ZDHHC11: variants seen among roughly 807,000 people sequenced by gnomAD.
ZDHHC11 encodes zDHHC palmitoyltransferase 11.
ZDHHC11 carries 44 observed loss-of-function variants against 51.3 expected under a neutral mutation model. The observed-to-expected ratio is 0.86, with a 90% CI of 0.67 to 1.10. The LOEUF (loss-of-function observed/expected upper bound fraction) is 1.10. ZDHHC11 is among the 50% of genes least tolerant of loss of function. The pLI is 0.00. For synonymous variants in ZDHHC11, 163 were observed against 222.0 expected, an observed-to-expected ratio of 0.73 and a Z score of 2.36; for missense variants, 400 against 537.7, an observed-to-expected ratio of 0.74 and a Z score of 2.53.
At chr5:837,639 T>C (rs1190367903) in intron 5 of ZDHHC11, among the ~76,000 whole-genome samples, 159 bp from the exon 6 acceptor site, 1 of 151,524 alleles carries the variant, frequency 6.6e-6, no homozygotes, top group African/African-American at 2.4e-5. Context: ...TCAGGATGAG[T>C]GCAGGTGCCT....
At position 844,081 on chromosome 5, in the gene ZDHHC11, G is replaced by A. The variant is rs77392561; in HGVS notation, c.504-357C>T. On this transcript the variant is annotated intron_variant, in intron 3 of 12. Transcript: ENST00000283441. Reference sequence around the variant, plus strand: ...GGCATCTGGAGCCCGCAGGGTGGAGGTGACAGGTCAGTGTGGGCGTCCACT... The same window carrying A: ...GGCATCTGGAGCCCGCAGGGTGGAGATGACAGGTCAGTGTGGGCGTCCACT... 1.6e-3 allele frequency among the ~76,000 whole-genome samples: 247 copies of A among 151,812 alleles called. No homozygotes were observed. In the East Asian group the frequency reaches 0.046, roughly 28 times the overall value.
At chr5:841,069 T>C (rs1744810779) in intron 4 of ZDHHC11, 1 of 969,776 alleles carries the variant, frequency 1.0e-6, no homozygotes, top group Non-Finnish European at 1.2e-6. Context: ...CCTCACTAAG[T>C]GCCGGGGTCA....
intron 6 of ZDHHC11, among the ~76,000 whole-genome samples, chr5:834,616 G>C (rs1248542152): frequency 6.6e-6 from 1 of 152,302 alleles, no homozygotes; most frequent in African/African-American, 2.4e-5. Flanking sequence ...GTTTGCCTGT[G>C]GCTTGCACAG....
At chr5:842,221 T>C (rs1249453975) in intron 4 of ZDHHC11, 1 of 985,712 alleles carries the variant, frequency 1.0e-6, no homozygotes, top group African/African-American at 1.7e-5. Context: ...CCACCTCTGC[T>C]CTCTCACTCT....
chr5:849,039 CGGCCCTTCACACAT>C (rs1306593980), intron 1 of ZDHHC11, among the ~76,000 whole-genome samples: 1 of 150,970 alleles, frequency 6.6e-6, no homozygotes, highest in East Asian at 2.0e-4. Context: ...CCTATACACC[CGGCCCTTCACACAT>C]GGCCCTGCAC....
intron 3 of ZDHHC11, among the ~76,000 whole-genome samples, chr5:846,620 CCT>C (rs1746215704): frequency 6.8e-6 from 1 of 147,992 alleles, no homozygotes; most frequent in Non-Finnish European, 1.5e-5. Context: ...AGTGGAAACA[CCT>C]CTCATCCTTG....
intron 11 of ZDHHC11, among the ~76,000 whole-genome samples, chr5:801,463 C>T (rs1213759503): frequency 6.6e-6 from 1 of 151,898 alleles, no homozygotes; most frequent in African/African-American, 2.4e-5. Flanking sequence ...GTTTGGATTT[C>T]CAGCATGAAA....
chr5:837,783 T>C (rs1744113394), intron 5 of ZDHHC11, among the ~76,000 whole-genome samples: 1 of 151,910 alleles, frequency 6.6e-6, no homozygotes, highest in Admixed American at 6.6e-5. Flanking sequence ...GTGTCAGAGA[T>C]GAGCTGTCTC....
intron 4 of ZDHHC11, chr5:841,918 T>G (rs1745047688): frequency 1.0e-6 from 1 of 989,174 alleles, no homozygotes; most frequent in African/African-American, 1.7e-5. Flanking sequence ...CTCGGGGCCA[T>G]CCTAGAAGGC....
At chr5:825,353 G>A (rs1485169203) in intron 7 of ZDHHC11, 102 bp from the exon 8 acceptor site, 1 of 1,188,012 alleles carries the variant, frequency 8.4e-7, no homozygotes, top group East Asian at 2.3e-5. Flanking sequence ...CACTGCTGTG[G>A]GGCACACATG....
At position 795,807 on chromosome 5, in the gene ZDHHC11, C is replaced by G. The variant is rs1401828267; in HGVS notation, c.*781G>C. The G allele has an allele frequency of 2.6e-5, 4 of 154,270 alleles. No individual in the cohort carries two copies. The highest frequency in any genetic ancestry group is 2.0e-4 in the Admixed American group (3 of 15,192). The allele number at this position is 154,270 out of a possible 1,614,324, so 9.6% of individuals were successfully genotyped here. A position where few individuals can be genotyped will look rare whatever the true frequency, so the allele number is the denominator to read the frequency against. On this transcript the variant is annotated 3_prime_UTR_variant, in exon 13 of 13. Coordinates refer to ENST00000283441, the MANE Select transcript of ZDHHC11 (RefSeq NM_024786.3). ...AGGTCTGGGGTTTCCCAGTACTATG[C>G]TCCCATTTCCCAGTACTGTGCTCCC...
rs573392859 is a variant in ZDHHC11 at position 836,555 on chromosome 5, T to G, written c.900+810A>C. On this transcript the variant is annotated intron_variant, in intron 6 of 12. Coordinates refer to ENST00000283441, the MANE Select transcript of ZDHHC11 (RefSeq NM_024786.3). ...TCTCTGTTTTCTGAAAGAGTCTGTG[T>G]GTAGGTTGTATTGTATTTTTTCTTT... Among the ~76,000 whole-genome samples the G allele has an allele frequency of 4.0e-4, 60 of 149,884 alleles. No individual in the cohort carries two copies. In the South Asian group the frequency reaches 0.012, roughly 30 times the overall value.
At chr5:854,972 C>T, upstream of ZDHHC11, among the ~76,000 whole-genome samples, 1 of 150,610 alleles carries the variant, frequency 6.6e-6, no homozygotes, top group Middle Eastern at 3.5e-3. Flanking sequence ...GGCACAGACC[C>T]CACGGAGGAC....
intron 10 of ZDHHC11, among the ~76,000 whole-genome samples, chr5:817,757 GTC>G (rs1741004203): frequency 6.6e-6 from 1 of 151,184 alleles, no homozygotes; most frequent in African/African-American, 2.4e-5. Context: ...ACCCTTCCAT[GTC>G]TCCCCATTGC....
intron 5 of ZDHHC11, chr5:839,894 C>T: frequency 2.8e-6 from 1 of 359,468 alleles, no homozygotes; most frequent in Non-Finnish European, 5.1e-6. Flanking sequence ...AGCTGGCCCA[C>T]CATGACCAAA....
chr5:818,712 T>C (rs931346273), intron 10 of ZDHHC11, among the ~76,000 whole-genome samples: 12 of 151,390 alleles, frequency 7.9e-5, no homozygotes, highest in Admixed American at 3.3e-4. Flanking sequence ...AAGAAATAAA[T>C]TGGCTGGGTG....
intron 11 of ZDHHC11, among the ~76,000 whole-genome samples, chr5:812,455 C>T (rs1379390016): frequency 3.3e-5 from 5 of 151,326 alleles, no homozygotes; most frequent in South Asian, 2.1e-4. Context: ...AACTGTGAAA[C>T]GGTAAAAAAG....
In ZDHHC11 at chr5:819,572, A is replaced by G; in HGVS notation, c.1099T>C (p.Cys367Arg). 1 of 1,609,982 alleles carries G rather than the reference A, an allele frequency of 6.2e-7. No homozygotes were observed. Among genetic ancestry groups the G allele is most frequent in the South Asian group, 1.1e-5 (1 of 90,948 alleles). ...GGGTGTACACGAGTGGAGAACTGAC[A>G]CAGGCGCCTGCAAATCAGCCGGGAG... ...RNSRLICRRL[C>R]QFSTRVHPDG... is the part of the protein sequence containing the mutation. Residue 367 changes from cysteine (C) to arginine (R), a missense_variant, in exon 10 of 13, where the codon TGT (cysteine) becomes CGT (arginine). Cys to Arg is a radical substitution (Grantham distance 180). Coordinates refer to ENST00000283441, the MANE Select transcript of ZDHHC11 (RefSeq NM_024786.3).
chr5:847,104 C>T (rs1214212031), intron 3 of ZDHHC11, among the ~76,000 whole-genome samples: 2 of 142,838 alleles, frequency 1.4e-5, no homozygotes, highest in Non-Finnish European at 3.0e-5. Context: ...CTGTGAGCCT[C>T]GACCATGCTC....
Sources: allele counts gnomAD v4.1 joint callset (sites outside exome capture counted in the v4.1 genomes callset), GRCh38; gene constraint gnomAD v4.1.1; transcripts MANE v1.5; gene names NCBI Gene and HGNC (gene_info 2026-07-23, HGNC 2026-07-21).